The following TMEM131L variants were observed in gnomAD, a reference collection of about 807,000 sequenced individuals.
TMEM131L encodes transmembrane protein 131-like.
Under a neutral mutation model 192.2 loss-of-function variants are expected in TMEM131L, and 54 were observed. The observed-to-expected ratio is 0.28, with a 90% CI of 0.23 to 0.35. The LOEUF is 0.35. TMEM131L is among the 10% of genes least tolerant of loss of function. The pLI is 1.00. For missense variants in TMEM131L, 1,888 were observed against 1,972.9 expected, an observed-to-expected ratio of 0.96 and a Z score of 0.82; for synonymous variants, 701 against 704.9, an observed-to-expected ratio of 0.99 and a Z score of 0.09.
At chr4:153,597,996 T>G (rs1324711002) in intron 20 of TMEM131L, among the ~76,000 whole-genome samples, 1 of 152,108 alleles carries the variant, frequency 6.6e-6, no homozygotes, top group Non-Finnish European at 1.5e-5. Context: ...GAATTTCAAC[T>G]AATGAAAAGA....
At chr4:153,482,993 C>A (rs979740349) in intron 3 of TMEM131L, among the ~76,000 whole-genome samples, 1 of 151,890 alleles carries the variant, frequency 6.6e-6, no homozygotes, top group Non-Finnish European at 1.5e-5. Flanking sequence ...GTTATTTGAA[C>A]CTTTAATAAT....
chr4:153,590,680 A>G (rs62324755), intron 16 of TMEM131L, among the ~76,000 whole-genome samples: 40,702 of 151,946 alleles, frequency 0.27, 5,801 homozygotes, highest in Non-Finnish European at 0.33. Flanking sequence ...TTTTTTTTCT[A>G]AAAGAGTGTT....
chr4:153,533,235 T>A (rs2150255264), intron 3 of TMEM131L, among the ~76,000 whole-genome samples: 2 of 152,304 alleles, frequency 1.3e-5, no homozygotes, highest in Middle Eastern at 6.8e-3. Flanking sequence ...TCCACCCGCC[T>A]TGGCCTCCCA....
At chr4:153,516,439 A>C (rs1734737633) in intron 3 of TMEM131L, among the ~76,000 whole-genome samples, 1 of 152,158 alleles carries the variant, frequency 6.6e-6, no homozygotes, top group Non-Finnish European at 1.5e-5. Context: ...CATATTACCC[A>C]GGCTCGTCTT....
At chr4:153,556,234 A>C (rs894828968) in intron 5 of TMEM131L, among the ~76,000 whole-genome samples, 7 of 151,990 alleles carry the variant, frequency 4.6e-5, no homozygotes, top group Admixed American at 1.3e-4. Flanking sequence ...TCTTGAAATG[A>C]CTCCAAATTC....
rs1730698384 is a variant in TMEM131L, at chr4:153,586,359, A to T, written c.1462A>T (p.Ile488Phe). 1 of 1,602,266 alleles carries T rather than the reference A, an allele frequency of 6.2e-7. No individual in the cohort carries two copies. Among genetic ancestry groups the T allele is most frequent in the African/African-American group, 1.3e-5 (1 of 74,384 alleles). The change falls in exon 14 of 35, where the codon ATT becomes TTT. Residue 488 changes from isoleucine to phenylalanine, a missense_variant. Physicochemically the swap from Ile to Phe is conservative, Grantham distance 21. Coordinates refer to ENST00000409959, the MANE Select transcript of TMEM131L (RefSeq NM_001131007.2). The stretch of plus-strand genomic sequence containing the variant: ...TGCCATTTTTGCAATACCTCTACAG[A>T]TTTATTCAGCACCAACCAAGGTATT... ...IGAIFAIPLQ[I>F]YSAPTKEGSL... is the part of the protein sequence containing the mutation.
Position 153,604,442 on chromosome 4 carries a change from A to T in TMEM131L, c.3418+12A>T. 6.3e-7 allele frequency: 1 copy of T among 1,585,722 alleles called. No homozygotes were observed. The highest frequency in any genetic ancestry group is 8.6e-7 in the Non-Finnish European group (1 of 1,168,146). On this transcript the variant is annotated intron_variant, in intron 25 of 34. Transcript: ENST00000409959. The stretch of plus-strand genomic sequence containing the variant: ...CAGGAAAAATAATGGTAATCTTTTC[A>T]TCCCCTTTGATAATTCTCTCCTGTT...
Position 153,636,627 on chromosome 4 carries a change from A to G in TMEM131L, c.*51A>G, listed in dbSNP as rs1225216179. On this transcript the variant is annotated 3_prime_UTR_variant, in exon 35 of 35. Transcript: ENST00000409959. ...GAATAAAGAGGCTTGTGTTTTGATT[A>G]CTAGTGTAAACTGGTTATTGAGATA... 9 of 1,528,434 alleles carry G rather than the reference A, an allele frequency of 5.9e-6. No homozygotes were observed. In the African/African-American group the frequency reaches 1.1e-4, roughly 19 times the overall value. The allele number at this position is 1,528,434 out of a possible 1,614,324, so 94.7% of individuals were successfully genotyped here. A position where few individuals can be genotyped will look rare whatever the true frequency, so the allele number is the denominator to read the frequency against.
chr4:153,533,956 C>T (rs1561166832), intron 3 of TMEM131L, among the ~76,000 whole-genome samples: 1 of 152,078 alleles, frequency 6.6e-6, no homozygotes, highest in Non-Finnish European at 1.5e-5. Flanking sequence ...TCTATACATA[C>T]TTTTATTGTT....
At chr4:153,476,652 G>A (rs951698682) in intron 3 of TMEM131L, among the ~76,000 whole-genome samples, 20 of 152,074 alleles carry the variant, frequency 1.3e-4, no homozygotes, top group Admixed American at 3.3e-4. Flanking sequence ...AGCTGAGATC[G>A]CACCACTGCA....
intron 3 of TMEM131L, among the ~76,000 whole-genome samples, chr4:153,503,014 A>G (rs1413863875): frequency 6.6e-6 from 1 of 151,142 alleles, no homozygotes; most frequent in Non-Finnish European, 1.5e-5. Flanking sequence ...GTTTATTCCT[A>G]TTGACCCAAA....
chr4:153,516,172 T>C (rs1734716133), intron 3 of TMEM131L, among the ~76,000 whole-genome samples: 1 of 152,238 alleles, frequency 6.6e-6, no homozygotes, highest in African/African-American at 2.4e-5. Context: ...TTAATAATCT[T>C]CCCATGTCTA....
chr4:153,635,151 G>A (rs1684993294), intron 33 of TMEM131L, among the ~76,000 whole-genome samples: 1 of 152,166 alleles, frequency 6.6e-6, no homozygotes, highest in African/African-American at 2.4e-5. Flanking sequence ...GTATTTTAAT[G>A]TATTTTGTGT....
intron 3 of TMEM131L, among the ~76,000 whole-genome samples, chr4:153,514,190 A>G (rs1734550071): frequency 6.6e-6 from 1 of 152,178 alleles, no homozygotes; most frequent in Non-Finnish European, 1.5e-5. Context: ...TCCTCTGTAA[A>G]ACAAGACTAA....
chr4:153,499,160 C>T (rs1329229774), intron 3 of TMEM131L, among the ~76,000 whole-genome samples: 4 of 152,248 alleles, frequency 2.6e-5, no homozygotes, highest in African/African-American at 9.6e-5. Context: ...CAGGCCTGAA[C>T]TAACCGTTTC....
chr4:153,558,572 ATTG>A (rs1324056287), intron 7 of TMEM131L: 1 of 379,830 alleles, frequency 2.6e-6, no homozygotes, highest in African/African-American at 2.0e-5. Context: ...GCTTAATCTT[ATTG>A]TTGGTCTTTT....
Position 153,596,261 on chromosome 4 carries a change from A to G in TMEM131L, c.1999A>G (p.Thr667Ala). ...GGTTTAATTTGTTAATTTGCAGGGT[A>G]CGCATTCTGAGGAATCCAGGTTTGG... ...QLTEACPYLG[T>A]HSEESRFGIL... The change falls in exon 20 of 35, where the codon ACG becomes GCG. Residue 667 changes from threonine to alanine, a missense_variant. Transcript: ENST00000409959. 1 of 1,613,724 alleles carries G rather than the reference A, an allele frequency of 6.2e-7. No homozygotes were observed.
intron 3 of TMEM131L, among the ~76,000 whole-genome samples, chr4:153,515,676 C>G (rs1292455902): frequency 1.3e-5 from 2 of 152,138 alleles, no homozygotes; most frequent in Non-Finnish European, 2.9e-5. Flanking sequence ...GTAGTTGTAC[C>G]ATACCTTACT....
At chr4:153,480,377 G>A (rs111594246) in intron 3 of TMEM131L, among the ~76,000 whole-genome samples, 2,737 of 151,650 alleles carry the variant, frequency 0.018, 81 homozygotes, top group African/African-American at 0.06. Context: ...AAAATAAGCC[G>A]GGCGTGGCAG....
Sources: gnomAD v4.1 joint callset for allele counts (sites outside exome capture counted in the v4.1 genomes callset) on GRCh38, gnomAD v4.1.1 for gene constraint, MANE v1.5 for transcripts, NCBI Gene and HGNC (gene_info 2026-07-23, HGNC 2026-07-21) for gene names.